The following LGR4 variants were observed in gnomAD, a reference collection of about 807,000 sequenced individuals.
LGR4 encodes leucine-rich repeat-containing G protein-coupled receptor 4.
LGR4 carries 44 observed loss-of-function variants against 84.8 expected under a neutral mutation model. That is an observed-to-expected ratio of 0.52 (90% CI 0.41 to 0.67). The LOEUF is 0.67. Among genes scored for constraint, LGR4 ranks in the 30% least tolerant of loss-of-function variants. The probability of loss-of-function intolerance (pLI) is 0.00; values close to 1 mark genes in which losing one functional copy is unlikely to be tolerated. For synonymous variants in LGR4, 429 were observed against 434.3 expected, an observed-to-expected ratio of 0.99 and a Z score of 0.15; for missense variants, 1,032 against 1,131.4, an observed-to-expected ratio of 0.91 and a Z score of 1.26.
intron 1 of LGR4, among the ~76,000 whole-genome samples, chr11:27,461,529 T>G (rs1423671590): frequency 6.6e-6 from 1 of 152,118 alleles, no homozygotes; most frequent in Non-Finnish European, 1.5e-5. Flanking sequence ...ATCAAGCTTG[T>G]CCAACCCACA....
At chr11:27,459,540 G>C (rs1169569944) in intron 1 of LGR4, among the ~76,000 whole-genome samples, 3 of 151,168 alleles carry the variant, frequency 2.0e-5, no homozygotes, top group African/African-American at 7.3e-5. Flanking sequence ...GCAGTGGTGC[G>C]ATCTCGGTTC....
chr11:27,470,484 G>A (rs750539525), intron 1 of LGR4, among the ~76,000 whole-genome samples: 4 of 152,140 alleles, frequency 2.6e-5, no homozygotes, highest in Non-Finnish European at 5.9e-5. Context: ...CTTGCAAGAG[G>A]TTCAGGTAAA....
At chr11:27,414,304 A>T (rs1863770726) in intron 1 of LGR4, among the ~76,000 whole-genome samples, 1 of 152,080 alleles carries the variant, frequency 6.6e-6, no homozygotes, top group South Asian at 2.1e-4. Flanking sequence ...AGTCCCATCA[A>T]GCTTAAAAAC....
intron 1 of LGR4, among the ~76,000 whole-genome samples, chr11:27,468,931 A>G (rs1381909180): frequency 6.6e-6 from 1 of 152,144 alleles, no homozygotes; most frequent in Non-Finnish European, 1.5e-5. Flanking sequence ...GGACTCACAT[A>G]CACATTCCCC....
At chr11:27,426,586 T>C (rs1413833109) in intron 1 of LGR4, among the ~76,000 whole-genome samples, 1 of 152,194 alleles carries the variant, frequency 6.6e-6, no homozygotes, top group South Asian at 2.1e-4. Flanking sequence ...TTTCTGCAAG[T>C]GTAAACGGAG....
At position 27,391,307 on chromosome 11, in the gene LGR4, G is replaced by A. The variant is rs57214439; in HGVS notation, c.330-142C>T. ...GGAGGTGGAGGTGGAAAGCATCTAA[G>A]ACAAGAGAATTGCAAAACTTCAAGA... On this transcript the variant is annotated intron_variant, in intron 3 of 17. Coordinates refer to ENST00000379214, the MANE Select transcript of LGR4 (RefSeq NM_018490.5). 3.8e-3 allele frequency: 2,133 copies of A among 562,734 alleles called. 31 individuals are homozygous for A. The highest frequency in any genetic ancestry group is 0.037 in the African/African-American group (1,879 of 50,792). 34.9% of individuals were successfully genotyped at this position (562,734 alleles called of 1,614,324 possible). A position where few individuals can be genotyped will look rare whatever the true frequency, so the allele number is the denominator to read the frequency against.
chr11:27,438,341 C>T (rs1864247102), intron 1 of LGR4, among the ~76,000 whole-genome samples: 1 of 152,190 alleles, frequency 6.6e-6, no homozygotes, highest in Admixed American at 6.5e-5. Context: ...CAATAGTTCT[C>T]AACCAGGGGT....
chr11:27,446,293 T>A (rs534060993), intron 1 of LGR4, among the ~76,000 whole-genome samples: 2 of 152,334 alleles, frequency 1.3e-5, no homozygotes, highest in South Asian at 4.1e-4. Context: ...TTTAATTAGA[T>A]CCCATTTGTC....
intron 2 of LGR4, among the ~76,000 whole-genome samples, chr11:27,407,487 A>T (rs1222510432): frequency 6.6e-6 from 1 of 152,170 alleles, no homozygotes; most frequent in Non-Finnish European, 1.5e-5. Flanking sequence ...AAGTAATAAT[A>T]AACTCCTCAT....
In LGR4 at chr11:27,373,694, C is replaced by G. The variant is rs77038322; in HGVS notation, c.1254-18G>C. The G allele has an allele frequency of 2.6e-3, 4,022 of 1,552,108 alleles. 110 individuals carry two copies. The African/African-American group carries it at 0.049, about 19-fold the overall frequency. On this transcript the variant is annotated intron_variant, in intron 14 of 17. Coordinates refer to ENST00000379214, the MANE Select transcript of LGR4 (RefSeq NM_018490.5). ...TTACATCTCTAAAATATGAATGAGA[C>G]TTCAAGTTAATGCCCAATATATAAA...
chr11:27,448,712 A>C (rs2133441475), intron 1 of LGR4, among the ~76,000 whole-genome samples: 1 of 152,334 alleles, frequency 6.6e-6, no homozygotes, highest in Non-Finnish European at 1.5e-5. Context: ...AAAACATTAA[A>C]GCTACAGATA....
intron 1 of LGR4, among the ~76,000 whole-genome samples, chr11:27,453,645 A>G (rs1422751632): frequency 6.6e-6 from 1 of 152,168 alleles, no homozygotes; most frequent in African/African-American, 2.4e-5. Flanking sequence ...ATACTGTTCA[A>G]TTCTGTGTCC....
At chr11:27,417,801 T>A (rs182291281) in intron 1 of LGR4, among the ~76,000 whole-genome samples, 1 of 152,312 alleles carries the variant, frequency 6.6e-6, no homozygotes, top group East Asian at 1.9e-4. Flanking sequence ...GTTCTGAACA[T>A]GTTCATCTCC....
intron 1 of LGR4, among the ~76,000 whole-genome samples, chr11:27,438,413 G>A (rs1399376257): frequency 1.3e-5 from 2 of 152,152 alleles, no homozygotes; most frequent in African/African-American, 4.8e-5. Flanking sequence ...CCACTTGGCA[G>A]GCAGAAGCTG....
chr11:27,439,206 A>G (rs572095864), intron 1 of LGR4, among the ~76,000 whole-genome samples: 1 of 152,236 alleles, frequency 6.6e-6, no homozygotes, highest in East Asian at 1.9e-4. Flanking sequence ...CTACCCATTA[A>G]TCAGTAACTC....
chr11:27,446,094 T>C (rs117030921), intron 1 of LGR4, among the ~76,000 whole-genome samples: 5 of 152,078 alleles, frequency 3.3e-5, no homozygotes, highest in South Asian at 2.1e-4. Context: ...TGAGTGAGAG[T>C]TGATTCCTGC....
At chr11:27,440,964 G>T (rs1864296245) in intron 1 of LGR4, among the ~76,000 whole-genome samples, 1 of 152,138 alleles carries the variant, frequency 6.6e-6, no homozygotes, top group Non-Finnish European at 1.5e-5. Flanking sequence ...CCACTGCCCG[G>T]CTCTCACAAA....
chr11:27,382,097 T>G (rs1448295481), intron 7 of LGR4, 91 bp downstream of exon 7: 7 of 840,442 alleles, frequency 8.3e-6, no homozygotes, highest in Non-Finnish European at 1.4e-5. Flanking sequence ...ATATACGTAA[T>G]GGAACAAGAT....
chr11:27,411,561 T>G (rs1270107613), intron 2 of LGR4, among the ~76,000 whole-genome samples: 1 of 152,108 alleles, frequency 6.6e-6, no homozygotes, highest in East Asian at 1.9e-4. Context: ...TCCTAAGCAT[T>G]TAACATAAAT....
Sources: gnomAD v4.1 joint callset for allele counts (sites outside exome capture counted in the v4.1 genomes callset) on GRCh38, gnomAD v4.1.1 for gene constraint, MANE v1.5 for transcripts, NCBI Gene and HGNC (gene_info 2026-07-23, HGNC 2026-07-21) for gene names.